The following MAP4K3 variants were observed in gnomAD, a reference collection of about 807,000 sequenced individuals.
MAP4K3 encodes the protein MAPK/ERK kinase kinase kinase 3.
In MAP4K3, 94 loss-of-function variants were observed where a neutral mutation model predicts 143.5. The observed-to-expected ratio is 0.65, with a 90% CI of 0.55 to 0.78. MAP4K3 has a LOEUF of 0.78. Among genes scored for constraint, MAP4K3 ranks in the 30% least tolerant of loss-of-function variants. The pLI is 0.00. For synonymous variants in MAP4K3, 416 were observed against 347.2 expected, an observed-to-expected ratio of 1.20 and a Z score of -2.20; for missense variants, 1,077 against 1,068.1, an observed-to-expected ratio of 1.01 and a Z score of -0.12.
At position 39,249,786 on chromosome 2, in the gene MAP4K3, A is replaced by G. The variant is rs1680079776; in HGVS notation, c.*832T>C. ...ATACTGTAATTCTGACCACAATTGCAGTATTCTATCATGGTACCGCTATTC... is the reference window on the plus strand; with the variant it reads ...ATACTGTAATTCTGACCACAATTGCGGTATTCTATCATGGTACCGCTATTC... On this transcript the variant is annotated 3_prime_UTR_variant, in exon 34 of 34. Coordinates refer to ENST00000263881, the MANE Select transcript of MAP4K3 (RefSeq NM_003618.4). 6.6e-6 allele frequency: 1 copy of G among 152,632 alleles called. No homozygotes were observed. Among genetic ancestry groups the G allele is most frequent in the Non-Finnish European group, 1.5e-5 (1 of 68,018 alleles). 9.5% of individuals were successfully genotyped at this position (152,632 alleles called of 1,614,324 possible).
chr2:39,343,591 C>T, intron 3 of MAP4K3, 139 bp from the exon 4 acceptor site: 3 of 615,636 alleles, frequency 4.9e-6, no homozygotes, highest in South Asian at 4.6e-5. Context: ...ACTAATTAAT[C>T]TTTATGAGTA....
intron 1 of MAP4K3, among the ~76,000 whole-genome samples, chr2:39,433,283 A>G (rs772049796): frequency 1.3e-5 from 2 of 152,204 alleles, no homozygotes; most frequent in Admixed American, 6.5e-5. Flanking sequence ...GACTAAAACC[A>G]TAAGACTAGG....
At chr2:39,338,626 A>T (rs953629077) in intron 4 of MAP4K3, among the ~76,000 whole-genome samples, 2 of 152,224 alleles carry the variant, frequency 1.3e-5, no homozygotes, top group African/African-American at 4.8e-5. Context: ...TCTTAATCTT[A>T]TAAGTAATAT....
chr2:39,356,723 G>T (rs1665621215), intron 2 of MAP4K3, among the ~76,000 whole-genome samples: 1 of 152,136 alleles, frequency 6.6e-6, no homozygotes, highest in African/African-American at 2.4e-5. Flanking sequence ...CATGTAAAAT[G>T]CTTAGAACAG....
intron 1 of MAP4K3, among the ~76,000 whole-genome samples, chr2:39,409,776 A>G (rs574548931): frequency 6.6e-6 from 1 of 152,366 alleles, no homozygotes; most frequent in Admixed American, 6.5e-5. Flanking sequence ...TCTACATGGA[A>G]TCTCTGTTTA....
chr2:39,374,779 C>T (rs971521738), intron 2 of MAP4K3, among the ~76,000 whole-genome samples: 3 of 152,280 alleles, frequency 2.0e-5, no homozygotes, highest in Admixed American at 6.5e-5. Flanking sequence ...GGAGTAACTT[C>T]ACATTTAAAC....
In MAP4K3 at chr2:39,417,679, C is replaced by T. The variant is rs113318284; in HGVS notation, c.96+19213G>A. Among the ~76,000 whole-genome samples the T allele has an allele frequency of 3.8e-3, 573 of 152,294 alleles. 6 individuals are homozygous for T. The highest frequency in any genetic ancestry group is 0.013 in the African/African-American group (540 of 41,560). ...AAATAATTATAGATATGTATGTATA[C>T]GTGGTTTAGCAATATATACACGTAT... On this transcript the variant is annotated intron_variant, in intron 1 of 33. Transcript: ENST00000263881.
chr2:39,261,067 C>G (rs1331171701), intron 28 of MAP4K3: 1 of 264,278 alleles, frequency 3.8e-6, no homozygotes, highest in Admixed American at 5.2e-5. Flanking sequence ...GGCCCAGGAA[C>G]TGGGTGACCA....
chr2:39,345,625 G>T (rs543386782), intron 3 of MAP4K3, among the ~76,000 whole-genome samples: 1 of 151,992 alleles, frequency 6.6e-6, no homozygotes, highest in Non-Finnish European at 1.5e-5. Context: ...AGAAAATAAT[G>T]CTAAAAAGAG....
At chr2:39,322,171 G>C (rs1401906776) in intron 12 of MAP4K3, among the ~76,000 whole-genome samples, 1 of 152,058 alleles carries the variant, frequency 6.6e-6, no homozygotes, top group Non-Finnish European at 1.5e-5. Flanking sequence ...AAGTGGCAGG[G>C]CATTCAGCTA....
chr2:39,410,325 G>A (rs994623859), intron 1 of MAP4K3, among the ~76,000 whole-genome samples: 4 of 152,096 alleles, frequency 2.6e-5, no homozygotes, highest in African/African-American at 7.2e-5. Context: ...CTGTATTCAC[G>A]CAACATCCTG....
intron 12 of MAP4K3, among the ~76,000 whole-genome samples, chr2:39,324,513 C>T (rs1374335469): frequency 2.0e-5 from 3 of 152,154 alleles, no homozygotes; most frequent in African/African-American, 7.2e-5. Context: ...TTTCCAGACC[C>T]TTAAACAAAA....
intron 1 of MAP4K3, among the ~76,000 whole-genome samples, chr2:39,397,686 GA>G (rs1666845599): frequency 6.6e-6 from 1 of 152,064 alleles, no homozygotes; most frequent in African/African-American, 2.4e-5. Flanking sequence ...AGAGCAATGA[GA>G]AAACAGCTCT....
intron 26 of MAP4K3, among the ~76,000 whole-genome samples, chr2:39,267,679 CAA>C (rs57082856): frequency 0.84 from 109,579 of 130,486 alleles, 45,827 homozygotes; most frequent in Non-Finnish European, 0.89. Context: ...ACTCGGTCTC[CAA>C]AAAAAAAAAA....
chr2:39,292,521 G>A (rs1044035054), intron 18 of MAP4K3, among the ~76,000 whole-genome samples: 1 of 152,162 alleles, frequency 6.6e-6, no homozygotes, highest in Non-Finnish European at 1.5e-5. Context: ...CACCAAGTTG[G>A]TTGGTACCTT....
intron 12 of MAP4K3, among the ~76,000 whole-genome samples, chr2:39,320,766 G>A (rs991519523): frequency 5.9e-5 from 9 of 152,146 alleles, no homozygotes; most frequent in African/African-American, 2.2e-4. Flanking sequence ...TCTATTTCAT[G>A]TAATTATTGC....
chr2:39,271,790 T>G (rs989198941), intron 26 of MAP4K3: 4 of 154,028 alleles, frequency 2.6e-5, no homozygotes, highest in African/African-American at 2.4e-5. Flanking sequence ...AGAGATGAGG[T>G]CTTGCTATGT....
At chr2:39,369,961 C>CT (rs1376414979) in intron 2 of MAP4K3, among the ~76,000 whole-genome samples, 1 of 152,180 alleles carries the variant, frequency 6.6e-6, no homozygotes, top group African/African-American at 2.4e-5. Flanking sequence ...AGTTAGGCTG[C>CT]TACTTACATA....
At chr2:39,387,949 T>C (rs1666554263) in intron 1 of MAP4K3, among the ~76,000 whole-genome samples, 1 of 152,234 alleles carries the variant, frequency 6.6e-6, no homozygotes, top group South Asian at 2.1e-4. Context: ...ACTTAGCAGA[T>C]AATAATTGGA....
Sources: allele counts gnomAD v4.1 joint callset (sites outside exome capture counted in the v4.1 genomes callset), GRCh38; gene constraint gnomAD v4.1.1; transcripts MANE v1.5; gene names NCBI Gene and HGNC (gene_info 2026-07-23, HGNC 2026-07-21).